UTRN: variants seen among roughly 807,000 people sequenced by gnomAD.
UTRN encodes utrophin.
A neutral mutation model predicts 463.9 loss-of-function variants in UTRN; 283 were observed. That is an observed-to-expected ratio of 0.61 (90% confidence interval 0.55 to 0.67). The LOEUF is 0.67. Ranked by LOEUF, UTRN falls within the 30% of genes least tolerant of loss-of-function variation. The probability of loss-of-function intolerance (pLI) is 0.00; values close to 1 mark genes in which losing one functional copy is unlikely to be tolerated. For missense variants in UTRN, 3,922 were observed against 4,084.3 expected, an observed-to-expected ratio of 0.96 and a Z score of 1.08; for synonymous variants, 1,442 against 1,431.5, an observed-to-expected ratio of 1.01 and a Z score of -0.17.
chr6:144,374,489 A>T (rs1025886259), intron 2 of UTRN, among the ~76,000 whole-genome samples: 7 of 142,034 alleles, frequency 4.9e-5, no homozygotes, highest in African/African-American at 1.5e-4. Flanking sequence ...TAAAAACACA[A>T]TTTTTTTTTT....
intron 3 of UTRN, among the ~76,000 whole-genome samples, chr6:144,418,211 T>C (rs1432929543): frequency 8.1e-6 from 1 of 123,138 alleles, no homozygotes; most frequent in Non-Finnish European, 1.6e-5. Flanking sequence ...AATAAATATT[T>C]ATATTTCTTT....
At chr6:144,318,183 GA>G (rs2114575580) in intron 2 of UTRN, among the ~76,000 whole-genome samples, 1 of 152,202 alleles carries the variant, frequency 6.6e-6, no homozygotes, top group Admixed American at 6.5e-5. Flanking sequence ...TTCTTCAAAG[GA>G]AAATTTTCCT....
At chr6:144,730,564 C>A in intron 54 of UTRN, 78 bp downstream of exon 54, 2 of 1,417,384 alleles carry the variant, frequency 1.4e-6, no homozygotes, top group Non-Finnish European at 1.9e-6. Flanking sequence ...AGGAAATTTC[C>A]TTACAGCATT....
intron 52 of UTRN, among the ~76,000 whole-genome samples, chr6:144,693,530 A>G (rs1783654201): frequency 6.6e-6 from 1 of 152,134 alleles, no homozygotes; most frequent in African/African-American, 2.4e-5. Context: ...CGAGCATGGA[A>G]TGTTTTTCTA....
intron 35 of UTRN, among the ~76,000 whole-genome samples, chr6:144,511,790 C>T (rs1036431910): frequency 2.6e-5 from 4 of 152,020 alleles, no homozygotes; most frequent in Admixed American, 6.6e-5. Context: ...GAAATAGTTA[C>T]CATTTAATTT....
At chr6:144,393,666 C>T (rs1033360128) in intron 2 of UTRN, among the ~76,000 whole-genome samples, 2 of 151,814 alleles carry the variant, frequency 1.3e-5, no homozygotes, top group South Asian at 2.1e-4. Flanking sequence ...TATTCAGTGA[C>T]GCAGGATGGA....
In UTRN at chr6:144,562,100, A is replaced by G. The variant is rs559249560; in HGVS notation, c.7289+4789A>G. Among the ~76,000 whole-genome samples, 6 of 152,290 alleles carry G rather than the reference A, an allele frequency of 3.9e-5. No individual in the cohort carries two copies. The South Asian group carries it at 1.2e-3, about 32-fold the overall frequency. The stretch of plus-strand genomic sequence containing the variant: ...TTTGCAGAATTATCACAGTTGCTGA[A>G]TTTACCTTGCAATTAAGCATTTTCT... On this transcript the variant is annotated intron_variant, in intron 50 of 74. Coordinates refer to ENST00000367545, the MANE Select transcript of UTRN (RefSeq NM_007124.3).
At chr6:144,456,681 AAT>A (rs1788858870) in intron 19 of UTRN, among the ~76,000 whole-genome samples, 3 of 148,204 alleles carry the variant, frequency 2.0e-5, no homozygotes, top group African/African-American at 7.4e-5. Context: ...TAATAATAAT[AAT>A]AATAATAATA....
At chr6:144,365,306 T>C (rs1779416718) in intron 2 of UTRN, among the ~76,000 whole-genome samples, 1 of 152,192 alleles carries the variant, frequency 6.6e-6, no homozygotes, top group Non-Finnish European at 1.5e-5. Context: ...TTCATGTGTG[T>C]GTTATGATGC....
chr6:144,401,426 A>C (rs1378212973), intron 2 of UTRN, among the ~76,000 whole-genome samples: 2 of 152,118 alleles, frequency 1.3e-5, no homozygotes, highest in African/African-American at 4.8e-5. Flanking sequence ...GAAGATGGTA[A>C]AGGGTCATTC....
At chr6:144,593,372 C>CA (rs1399741315) in intron 51 of UTRN, among the ~76,000 whole-genome samples, 2 of 152,226 alleles carry the variant, frequency 1.3e-5, no homozygotes, top group East Asian at 3.9e-4. Flanking sequence ...CCCCTAGGTA[C>CA]CCTTAGAGGC....
intron 51 of UTRN, among the ~76,000 whole-genome samples, chr6:144,653,924 C>T (rs781022829): frequency 2.6e-4 from 39 of 152,184 alleles, no homozygotes; most frequent in Non-Finnish European, 5.0e-4. Flanking sequence ...TTGTAATCAG[C>T]CTACTGATTT....
In UTRN at chr6:144,732,237, TACATATATATATATATATATAC is replaced by T. The variant is rs1389068102; in HGVS notation, c.7939+1755_7939+1776del. 7.0e-3 allele frequency among the ~76,000 whole-genome samples: 611 copies of T among 87,340 alleles called. 8 individuals carry two copies. Among genetic ancestry groups the T allele is most frequent in the African/African-American group, 0.021 (582 of 28,070 alleles). 57.3% of individuals were successfully genotyped at this position (87,340 alleles called of 152,430 possible). A position where few individuals can be genotyped will look rare whatever the true frequency, so the allele number is the denominator to read the frequency against. On this transcript the variant is annotated intron_variant, in intron 54 of 74. Coordinates refer to ENST00000367545, the MANE Select transcript of UTRN (RefSeq NM_007124.3). ...TTTTATATATATATATATATATATA[TACATATATATATATATATATAC>T]ACACATATATATATATATACACACA...
At chr6:144,774,950 A>G (rs1319662753) in intron 60 of UTRN, among the ~76,000 whole-genome samples, 1 of 152,206 alleles carries the variant, frequency 6.6e-6, no homozygotes, top group East Asian at 1.9e-4. Flanking sequence ...ACCTAAAATT[A>G]AGTAGCAGTG....
intron 63 of UTRN, among the ~76,000 whole-genome samples, chr6:144,794,250 T>C (rs1201198852): frequency 6.6e-6 from 1 of 152,158 alleles, no homozygotes; most frequent in Non-Finnish European, 1.5e-5. Context: ...CCTGCCCTTT[T>C]CCTGGCCTCA....
intron 51 of UTRN, among the ~76,000 whole-genome samples, chr6:144,603,406 T>C (rs1918748): frequency 0.15 from 23,270 of 152,208 alleles, 2,026 homozygotes; most frequent in South Asian, 0.27. Flanking sequence ...CATCTCGCCA[T>C]ACTCTGATTA....
At chr6:144,564,289 T>C (rs1457001199) in intron 50 of UTRN, among the ~76,000 whole-genome samples, 1 of 152,174 alleles carries the variant, frequency 6.6e-6, no homozygotes, top group Non-Finnish European at 1.5e-5. Context: ...CATAACTTGG[T>C]GGCATTTGAG....
intron 3 of UTRN, among the ~76,000 whole-genome samples, chr6:144,411,376 T>C (rs1783883006): frequency 1.3e-5 from 2 of 152,220 alleles, no homozygotes; most frequent in African/African-American, 4.8e-5. Flanking sequence ...AATTGTCCAT[T>C]CATGTCCTTA....
At chr6:144,783,621 TA>T (rs1281117560) in intron 61 of UTRN, among the ~76,000 whole-genome samples, 1 of 152,212 alleles carries the variant, frequency 6.6e-6, no homozygotes, top group Non-Finnish European at 1.5e-5. Context: ...ACCTGTGAAA[TA>T]AATTATTGTT....
Sources: allele counts gnomAD v4.1 joint callset (sites outside exome capture counted in the v4.1 genomes callset), GRCh38; gene constraint gnomAD v4.1.1; transcripts MANE v1.5; gene names NCBI Gene and HGNC (gene_info 2026-07-23, HGNC 2026-07-21).